SHANK2: variants seen among roughly 807,000 people sequenced by gnomAD.
SHANK2 encodes the protein SH3 and multiple ankyrin repeat domains protein 2.
A neutral mutation model predicts 133.7 loss-of-function variants in SHANK2; 43 were observed. The observed-to-expected ratio is 0.32, with a 90% CI of 0.25 to 0.41. SHANK2 has a LOEUF of 0.41. SHANK2 is among the 10% of genes least tolerant of loss of function. The pLI is 1.00. For missense variants in SHANK2, 1,994 were observed against 2,235.8 expected, an observed-to-expected ratio of 0.89 and a Z score of 2.18; for synonymous variants, 1,017 against 952.8, an observed-to-expected ratio of 1.07 and a Z score of -1.24.
intron 17 of SHANK2, among the ~76,000 whole-genome samples, chr11:70,607,846 A>G (rs2060600052): frequency 6.6e-6 from 1 of 152,254 alleles, no homozygotes; most frequent in African/African-American, 2.4e-5. Context: ...TGTGGTGGCC[A>G]GAAAGAGACC....
intron 17 of SHANK2, among the ~76,000 whole-genome samples, chr11:70,643,643 G>C (rs1416320148): frequency 6.6e-6 from 1 of 151,876 alleles, no homozygotes; most frequent in Non-Finnish European, 1.5e-5. Flanking sequence ...TAGTATTTGG[G>C]ATGGTGTCTT....
intron 14 of SHANK2, among the ~76,000 whole-genome samples, chr11:70,795,393 T>C (rs1040410129): frequency 1.5e-5 from 2 of 135,664 alleles, no homozygotes; most frequent in Non-Finnish European, 3.1e-5. Context: ...TTCTTTTTTC[T>C]TTTCTTTCTT....
At position 71,175,862 on chromosome 11, in the gene SHANK2, G is replaced by A. The variant is rs1368624636; in HGVS notation, c.-12-28524C>T. 2.0e-5 allele frequency among the ~76,000 whole-genome samples: 3 copies of A among 152,176 alleles called. No individual in the cohort carries two copies. The highest frequency in any genetic ancestry group is 7.2e-5 in the African/African-American group (3 of 41,446). ...GACCACCCAGGCAAACTCCCAGAGT[G>A]GAGGCGATGGGGCTGAGAACACAGG... On this transcript the variant is annotated intron_variant, in intron 2 of 25. Transcript: ENST00000601538. The surrounding 1 kb of genome is among the most constrained non-coding windows in gnomAD (Gnocchi z 4.2).
At chr11:70,942,708 A>T (rs1322040567) in intron 10 of SHANK2, 2 of 456,776 alleles carry the variant, frequency 4.4e-6, no homozygotes, top group Non-Finnish European at 8.8e-6. Flanking sequence ...ACAGTGGATT[A>T]TAAGTATCTC....
intron 2 of SHANK2, among the ~76,000 whole-genome samples, chr11:71,216,251 A>C (rs782192363): frequency 4.6e-5 from 7 of 152,260 alleles, no homozygotes; most frequent in Non-Finnish European, 8.8e-5. Flanking sequence ...TGGATTAAAA[A>C]GATGCTGTAT....
chr11:70,835,466 C>T (rs1430109762), intron 11 of SHANK2, among the ~76,000 whole-genome samples: 1 of 152,168 alleles, frequency 6.6e-6, no homozygotes, highest in African/African-American at 2.4e-5. Flanking sequence ...ATGTGCTCCA[C>T]CAGTTCTTGG....
chr11:70,728,581 C>T (rs1453596859), intron 14 of SHANK2, among the ~76,000 whole-genome samples: 2 of 152,148 alleles, frequency 1.3e-5, no homozygotes, highest in African/African-American at 4.8e-5. Context: ...GTCCGATGGA[C>T]AGAGATAATG....
intron 17 of SHANK2, among the ~76,000 whole-genome samples, chr11:70,615,087 C>T (rs2136412929): frequency 6.6e-6 from 1 of 152,378 alleles, no homozygotes; most frequent in African/African-American, 2.4e-5. Context: ...TCATGGAAGA[C>T]ATCTTCCGAT....
chr11:71,167,910 T>G (rs7926427), intron 2 of SHANK2, among the ~76,000 whole-genome samples: 76,947 of 129,312 alleles, frequency 0.6, 23,018 homozygotes, highest in South Asian at 0.73. Flanking sequence ...AGGGCGGCTG[T>G]CCGGGCGGGG....
intron 11 of SHANK2, among the ~76,000 whole-genome samples, chr11:70,881,424 G>T (rs1166995518): frequency 2.6e-5 from 4 of 151,878 alleles, no homozygotes; most frequent in Non-Finnish European, 4.4e-5. Context: ...TTAAAACAAT[G>T]GCTAATGGGG....
At chr11:71,078,456 T>C (rs1695924390) in intron 8 of SHANK2, among the ~76,000 whole-genome samples, 1 of 152,184 alleles carries the variant, frequency 6.6e-6, no homozygotes, top group Non-Finnish European at 1.5e-5. Flanking sequence ...GAAAGGCCAA[T>C]GGATGCCAAA....
intron 2 of SHANK2, among the ~76,000 whole-genome samples, chr11:71,177,910 T>C (rs946164049): frequency 2.0e-5 from 3 of 152,108 alleles, no homozygotes; most frequent in Non-Finnish European, 4.4e-5. Context: ...ACAATAATGA[T>C]AATAATAAGT....
Position 70,487,645 on chromosome 11 carries a change from G to T in SHANK2, c.2648C>A (p.Thr883Asn). 1 of 1,600,830 alleles carries T rather than the reference G, an allele frequency of 6.2e-7. No individual in the cohort carries two copies. The highest frequency in any genetic ancestry group is 8.5e-7 in the Non-Finnish European group (1 of 1,173,734). Residue 883 changes from threonine (T) to asparagine (N), a missense_variant, in exon 25 of 26, where the codon ACC (threonine) becomes AAC (asparagine). Around this residue, in one of 5 missense-constraint regions of SHANK2, gnomAD observed 488 missense variants for 642.6 expected, o/e 0.76. Coordinates refer to ENST00000601538, the MANE Select transcript of SHANK2 (RefSeq NM_012309.5). This position sits in a 1 kb window ranked among gnomAD's most constrained non-coding sequence, Gnocchi z 5.8. ...CGGTGGAGGGGGGATGTCCTCAGAG[G>T]TGTCCGGCATGGACAGGCTTCTGGT... ...KFTRSLSMPD[T>N]SEDIPPPPQS...
chr11:70,575,872 C>G (rs1386131574), intron 17 of SHANK2, among the ~76,000 whole-genome samples: 1 of 151,752 alleles, frequency 6.6e-6, no homozygotes, highest in South Asian at 2.1e-4. Flanking sequence ...TTCCTCGGAG[C>G]TAGGCTGGGG....
At chr11:70,867,503 C>T (rs142581709) in intron 11 of SHANK2, among the ~76,000 whole-genome samples, 100 of 152,308 alleles carry the variant, frequency 6.6e-4, no homozygotes, top group African/African-American at 2.1e-3. Context: ...TGGGGCAGGA[C>T]GGGCCAAAGC....
intron 17 of SHANK2, among the ~76,000 whole-genome samples, chr11:70,592,799 C>T (rs114274106): frequency 7.9e-4 from 121 of 152,298 alleles, no homozygotes; most frequent in African/African-American, 2.8e-3. Flanking sequence ...GCTCCTTCAG[C>T]CCTGCAGCCA....
At chr11:70,586,560 G>T (rs1330994236) in intron 17 of SHANK2, among the ~76,000 whole-genome samples, 2 of 152,220 alleles carry the variant, frequency 1.3e-5, no homozygotes, top group Non-Finnish European at 2.9e-5. Flanking sequence ...CTCCGAGGCG[G>T]CCCCTGCATG....
intron 15 of SHANK2, among the ~76,000 whole-genome samples, chr11:70,669,813 A>T (rs1944760980): frequency 6.6e-6 from 1 of 152,148 alleles, no homozygotes; most frequent in Non-Finnish European, 1.5e-5. Context: ...CTCGGAGGGC[A>T]GGTGTTCCCA....
intron 17 of SHANK2, among the ~76,000 whole-genome samples, chr11:70,552,663 A>G (rs2059784690): frequency 6.6e-6 from 1 of 152,152 alleles, no homozygotes; most frequent in Non-Finnish European, 1.5e-5. Context: ...GGGCGTCATT[A>G]AACCTGTGGC....
Sources: allele counts gnomAD v4.1 joint callset (sites outside exome capture counted in the v4.1 genomes callset), GRCh38; gene constraint gnomAD v4.1.1; regional missense constraint gnomAD v4.1.1; non-coding constraint Gnocchi (gnomAD v3.1); transcripts MANE v1.5; gene names NCBI Gene and HGNC (gene_info 2026-07-23, HGNC 2026-07-21).